Variants in KLRG1 observed in about 807,000 individuals in gnomAD.
The protein encoded by KLRG1 is killer cell lectin-like receptor subfamily G member 1.
A neutral mutation model predicts 21.8 loss-of-function variants in KLRG1; 16 were observed. That is an observed-to-expected ratio of 0.73 (90% CI 0.50 to 1.11). KLRG1 has a LOEUF of 1.11. Ranked by LOEUF, KLRG1 falls within the 50% of genes most tolerant of loss-of-function variation. The probability of loss-of-function intolerance (pLI) is 0.00; values close to 1 mark genes in which losing one functional copy is unlikely to be tolerated. For missense variants in KLRG1, 173 were observed against 218.3 expected, an observed-to-expected ratio of 0.79 and a Z score of 1.31; for synonymous variants, 69 against 75.9, an observed-to-expected ratio of 0.91 and a Z score of 0.47.
the KLRG1 span, chr12:9,181,104 C>T: frequency 6.2e-7 from 1 of 1,614,136 alleles, no homozygotes; most frequent in African/African-American, 1.3e-5. Flanking sequence ...GGCTGGGGGA[C>T]TTTGTGCTGG....
chr12:9,195,508 A>G, the KLRG1 span, among the ~76,000 whole-genome samples: 1 of 149,980 alleles, frequency 6.7e-6, no homozygotes, highest in Non-Finnish European at 1.5e-5. Context: ...CAGTGGTGCC[A>G]TTATAACTCA....
chr12:9,159,783 C>T, the KLRG1 span, among the ~76,000 whole-genome samples: 24 of 151,698 alleles, frequency 1.6e-4, no homozygotes, highest in African/African-American at 5.6e-4. Flanking sequence ...TTTGACTTAT[C>T]AGCCTTCATA....
the KLRG1 span, among the ~76,000 whole-genome samples, chr12:9,092,567 C>T: frequency 3.9e-5 from 6 of 152,152 alleles, no homozygotes; most frequent in African/African-American, 7.2e-5. Context: ...ATGGCCATTC[C>T]GGCTCTTTCT....
chr12:9,194,931 G>A, the KLRG1 span, among the ~76,000 whole-genome samples: 21 of 152,208 alleles, frequency 1.4e-4, no homozygotes, highest in Admixed American at 1.1e-3. Context: ...ACTTCTCTGC[G>A]CTTCAGTTTT....
the KLRG1 span, chr12:9,161,171 T>G: frequency 7.3e-7 from 1 of 1,377,384 alleles, no homozygotes; most frequent in African/African-American, 1.5e-5. Flanking sequence ...ACAATATAAT[T>G]TAGTGATTAT....
the KLRG1 span, among the ~76,000 whole-genome samples, chr12:9,045,860 A>G: frequency 1.3e-5 from 2 of 152,364 alleles, no homozygotes; most frequent in African/African-American, 4.8e-5. Flanking sequence ...CTATGCAGCC[A>G]TAAAAAGGGA....
chr12:9,181,204 TAAG>T, the KLRG1 span: 4 of 1,589,818 alleles, frequency 2.5e-6, no homozygotes, highest in Non-Finnish European at 3.4e-6. Context: ...CTGCATTTCC[TAAG>T]CCACCCTTAT....
the KLRG1 span, among the ~76,000 whole-genome samples, chr12:9,124,872 C>T: frequency 1.3e-5 from 2 of 152,216 alleles, no homozygotes; most frequent in African/African-American, 4.8e-5. Flanking sequence ...AGGTTGGGAT[C>T]CCGGCAGTCA....
At chr12:9,050,840 C>T in the KLRG1 span, among the ~76,000 whole-genome samples, 1 of 152,228 alleles carries the variant, frequency 6.6e-6, no homozygotes, top group African/African-American at 2.4e-5. Context: ...AAGGTCCCTC[C>T]CACACTCCTG....
chr12:9,182,251 C>G, the KLRG1 span: 3 of 728,082 alleles, frequency 4.1e-6, no homozygotes, highest in African/African-American at 5.5e-5. Flanking sequence ...GGCTTAGTCT[C>G]TCTATGTGCC....
the KLRG1 span, among the ~76,000 whole-genome samples, chr12:9,204,828 G>A: frequency 6.6e-6 from 1 of 152,092 alleles, no homozygotes. Flanking sequence ...GGGAGAAGTG[G>A]CTTATACCTA....
chr12:9,096,284 C>T, the KLRG1 span, among the ~76,000 whole-genome samples: 1 of 152,182 alleles, frequency 6.6e-6, no homozygotes, highest in South Asian at 2.1e-4. Flanking sequence ...CAGAGGCCAC[C>T]ACTAGACTCA....
chr12:9,024,018 A>ATTTT, the KLRG1 span, among the ~76,000 whole-genome samples: 154 of 70,942 alleles, frequency 2.2e-3, 37 homozygotes, highest in African/African-American at 7.2e-3. Context: ...GAACACATGG[A>ATTTT]TTTTTTTTTT....
At chr12:9,200,027 G>C in the KLRG1 span, among the ~76,000 whole-genome samples, 2 of 152,150 alleles carry the variant, frequency 1.3e-5, no homozygotes, top group South Asian at 4.1e-4. Flanking sequence ...TTAAGTGATC[G>C]TGTTGTCGCA....
At chr12:9,107,723 A>C in the KLRG1 span, 1 of 1,539,716 alleles carries the variant, frequency 6.5e-7, no homozygotes, top group Non-Finnish European at 8.9e-7. Flanking sequence ...TCTCCCCTTT[A>C]GCTACAGTAT....
At chr12:9,130,505 G>T in the KLRG1 span, among the ~76,000 whole-genome samples, 1 of 152,062 alleles carries the variant, frequency 6.6e-6, no homozygotes, top group Non-Finnish European at 1.5e-5. Context: ...CAGATGTGAA[G>T]TAGTATGTCA....
chr12:9,072,491 A>G, the KLRG1 span: 2 of 1,607,882 alleles, frequency 1.2e-6, no homozygotes, highest in South Asian at 2.2e-5. Flanking sequence ...GGATGTCTAT[A>G]GAACATCAAA....
the KLRG1 span, among the ~76,000 whole-genome samples, chr12:9,106,050 A>G: frequency 1.3e-5 from 2 of 152,256 alleles, no homozygotes; most frequent in Admixed American, 6.5e-5. Flanking sequence ...AAATTTACAG[A>G]AGAATAAATC....
At chr12:8,955,168 C>T (rs1414515938) in intron 1 of KLRG1, among the ~76,000 whole-genome samples, 1 of 152,126 alleles carries the variant, frequency 6.6e-6, no homozygotes, top group Admixed American at 6.5e-5. Context: ...CCACCTCGGC[C>T]TCCCAAAGTG....
Sources: allele counts gnomAD v4.1 joint callset (sites outside exome capture counted in the v4.1 genomes callset), GRCh38; gene constraint gnomAD v4.1.1; transcripts MANE v1.5; gene names NCBI Gene and HGNC (gene_info 2026-07-23, HGNC 2026-07-21).